THAP12: variants seen among roughly 807,000 people sequenced by gnomAD.
THAP12 encodes THAP domain containing 12, also known as 52 kDa repressor of the inhibitor of the protein kinase.
THAP12 carries 20 observed loss-of-function variants against 63.0 expected under a neutral mutation model. The observed-to-expected ratio is 0.32, with a 90% CI of 0.22 to 0.46. The LOEUF is 0.46. Ranked by LOEUF, THAP12 falls within the 20% of genes least tolerant of loss-of-function variation. The pLI is 1.00. For missense variants in THAP12, 568 were observed against 908.2 expected, an observed-to-expected ratio of 0.63 and a Z score of 4.81; for synonymous variants, 264 against 328.4, an observed-to-expected ratio of 0.80 and a Z score of 2.12.
chr11:76,357,063 G>A (rs1289506719), intron 3 of THAP12: 1 of 151,982 alleles, frequency 6.6e-6, no homozygotes, highest in African/African-American at 2.4e-5. Flanking sequence ...AAAAGAAAAG[G>A]ATGGTTGTGT....
chr11:76,361,881 G>A (rs1037406852), intron 2 of THAP12, among the ~76,000 whole-genome samples: 1 of 152,148 alleles, frequency 6.6e-6, no homozygotes, highest in African/African-American at 2.4e-5. Flanking sequence ...TGATTCATCT[G>A]CCACATGAAA....
intron 3 of THAP12, chr11:76,356,972 G>A (rs1590800410): frequency 6.6e-6 from 1 of 152,072 alleles, no homozygotes; most frequent in African/African-American, 2.4e-5. Context: ...AACCCGGGAG[G>A]CGGAGGTTGC....
Position 76,351,448 on chromosome 11 carries a change from G to T in THAP12, c.1702C>A (p.Leu568Ile). ...TCTTTATAGTAACTCTCAGAGGTTA[G>T]CTGAGATTCCAAGTTACCCTGGTGA... ...RAHQGNLESQ[L>I]TSESYYKETL... The change falls in exon 5 of 5, where the codon CTA (leucine) becomes ATA (isoleucine). Residue 568 changes from leucine to isoleucine, a missense_variant. Transcript: ENST00000260045. The T allele has an allele frequency of 6.2e-7, 1 of 1,601,598 alleles. No homozygotes were observed. The highest frequency in any genetic ancestry group is 8.5e-7 in the Non-Finnish European group (1 of 1,170,870).
chr11:76,368,603 G>C (rs1946648208), intron 1 of THAP12: 1 of 152,182 alleles, frequency 6.6e-6, no homozygotes, highest in Non-Finnish European at 1.5e-5. Context: ...CAGAAGGACA[G>C]AACAGTGAAA....
intron 1 of THAP12, among the ~76,000 whole-genome samples, chr11:76,373,917 C>T (rs1946691228): frequency 6.6e-6 from 1 of 152,078 alleles, no homozygotes; most frequent in Admixed American, 6.5e-5. Context: ...TATGTTAACA[C>T]AAATAACGTT....
At chr11:76,368,503 T>C (rs1946647680) in intron 1 of THAP12, 1 of 152,054 alleles carries the variant, frequency 6.6e-6, no homozygotes, top group African/African-American at 2.4e-5. Context: ...ACCAAGATAA[T>C]CTTGAGAGAG....
At chr11:76,374,999 C>T (rs181329119) in intron 1 of THAP12, among the ~76,000 whole-genome samples, 11 of 152,202 alleles carry the variant, frequency 7.2e-5, no homozygotes, top group Admixed American at 2.0e-4. Context: ...TTATCTTGGA[C>T]TTCCCAGCTT....
At chr11:76,364,950 C>T (rs1946620959) in intron 2 of THAP12, among the ~76,000 whole-genome samples, 1 of 152,092 alleles carries the variant, frequency 6.6e-6, no homozygotes, top group Non-Finnish European at 1.5e-5. Context: ...CTTTTATAAT[C>T]ATCTAAAATT....
chr11:76,374,584 A>G (rs897536752), intron 1 of THAP12, among the ~76,000 whole-genome samples: 9 of 152,316 alleles, frequency 5.9e-5, no homozygotes, highest in African/African-American at 2.2e-4. Context: ...GAACACTCAG[A>G]TCTGAATAAT....
chr11:76,376,296 A>G (rs1946709839), intron 1 of THAP12, among the ~76,000 whole-genome samples: 1 of 152,238 alleles, frequency 6.6e-6, no homozygotes, highest in Non-Finnish European at 1.5e-5. Flanking sequence ...CATCTCAATA[A>G]ACATCTTTTT....
intron 2 of THAP12, among the ~76,000 whole-genome samples, chr11:76,363,508 T>C (rs1946611525): frequency 6.6e-6 from 1 of 152,196 alleles, no homozygotes; most frequent in African/African-American, 2.4e-5. Context: ...TGTGCCTTGC[T>C]ACTGATGAGA....
chr11:76,360,505 T>G (rs561427672), intron 3 of THAP12, among the ~76,000 whole-genome samples: 1 of 152,348 alleles, frequency 6.6e-6, no homozygotes, highest in African/African-American at 2.4e-5. Flanking sequence ...ATACAGAAAT[T>G]TCAGTGTTTT....
Position 76,380,771 on chromosome 11 carries a change from G to C in THAP12, c.66C>G (p.Phe22Leu). The change falls in exon 1 of 5, where the codon TTC becomes TTG. Residue 22 changes from phenylalanine (F) to leucine (L), a missense_variant. Transcript: ENST00000260045. ...RKSTQSDLAF[F>L]RFPRDPARCQ... ...ACCTGGCAGGGTCCCGCGGGAACCT[G>C]AAGAAGGCCAAGTCGGACTGCGTGC... 1.4e-6 allele frequency: 2 copies of C among 1,464,872 alleles called. No homozygotes were observed. Among genetic ancestry groups the C allele is most frequent in the Non-Finnish European group, 9.1e-7 (1 of 1,102,594 alleles). 90.7% of individuals were successfully genotyped at this position (1,464,872 alleles called of 1,614,324 possible). A position where few individuals can be genotyped will look rare whatever the true frequency, so the allele number is the denominator to read the frequency against.
chr11:76,370,291 T>C (rs543734060), intron 1 of THAP12, among the ~76,000 whole-genome samples: 18 of 152,142 alleles, frequency 1.2e-4, no homozygotes, highest in African/African-American at 4.3e-4. Flanking sequence ...CGGTGAAATT[T>C]TCATGGATAT....
intron 3 of THAP12, chr11:76,358,042 T>C (rs1038898306): frequency 2.0e-5 from 3 of 152,084 alleles, no homozygotes; most frequent in Admixed American, 1.3e-4. Flanking sequence ...TTTAGAAACA[T>C]TAACAAAACA....
At position 76,360,886 on chromosome 11, in the gene THAP12, T is replaced by C; in HGVS notation, c.318+70A>G. 7 of 1,035,744 alleles carry C rather than the reference T, an allele frequency of 6.8e-6. No individual in the cohort carries two copies. The South Asian group carries it at 9.8e-5, about 14-fold the overall frequency. 64.2% of individuals were successfully genotyped at this position (1,035,744 alleles called of 1,614,324 possible). ...AGAGTAATTTGGATTAATTTTAACA[T>C]AAATGCATCTGTATTTGATTTCATA... On this transcript the variant is annotated intron_variant, in intron 3 of 4. Transcript: ENST00000260045.
At chr11:76,359,824 C>CGG (rs937666013) in intron 3 of THAP12, among the ~76,000 whole-genome samples, 3 of 140,056 alleles carry the variant, frequency 2.1e-5, no homozygotes, top group Admixed American at 7.2e-5. Flanking sequence ...GACTCTGTCT[C>CGG]GGGGGGGAAA....
chr11:76,355,624 T>C lies in THAP12; in HGVS notation c.349A>G (p.Lys117Glu). Reference sequence around the variant, plus strand: ...CATTAACACTATCACTTACTTTTTTTCTGTTTCAGTGTCCTGATTTCATCT... The same window carrying C: ...CATTAACACTATCACTTACTTTTTTCCTGTTTCAGTGTCCTGATTTCATCT... ...SEDEIRTLKQ[K>E]KIDETSEQEQ... The change falls in exon 4 of 5, where the codon AAA (lysine) becomes GAA (glutamate). Residue 117 changes from lysine (K) to glutamate (E), a missense_variant. Lys to Glu is a moderately conservative substitution (Grantham distance 56, BLOSUM62 1). Transcript: ENST00000260045. 6 of 1,597,414 alleles carry C rather than the reference T, an allele frequency of 3.8e-6. No individual in the cohort carries two copies. Among genetic ancestry groups the C allele is most frequent in the Non-Finnish European group, 5.1e-6 (6 of 1,173,402 alleles).
chr11:76,363,354 G>A (rs1946610518), intron 2 of THAP12, among the ~76,000 whole-genome samples: 2 of 151,852 alleles, frequency 1.3e-5, no homozygotes, highest in South Asian at 4.2e-4. Context: ...AGTCATGAAT[G>A]TTTACTGATG....
Sources: allele counts gnomAD v4.1 joint callset (sites outside exome capture counted in the v4.1 genomes callset), GRCh38; gene constraint gnomAD v4.1.1; transcripts MANE v1.5; gene names NCBI Gene and HGNC (gene_info 2026-07-23, HGNC 2026-07-21).